The following AHRR variants were observed in gnomAD, a reference collection of about 807,000 sequenced individuals.
The protein encoded by AHRR is ahR repressor.
Under a neutral mutation model 44.0 loss-of-function variants are expected in AHRR, and 28 were observed. The observed-to-expected ratio is 0.64, with a 90% CI of 0.47 to 0.87. AHRR has a LOEUF of 0.87. Among genes scored for constraint, AHRR ranks in the 40% least tolerant of loss-of-function variants. The pLI, the probability that AHRR is intolerant of heterozygous loss-of-function variation, is 0.00. For missense variants in AHRR, 990 were observed against 953.9 expected (o/e 1.04, Z -0.50); for synonymous variants, 434 against 407.0 (o/e 1.07, Z -0.80).
intron 3 of AHRR, 53 bp from the exon 4 acceptor site, chr5:376,557 A>ATGTGAATGAATGAGAAGC (rs368685976): frequency 7.1e-7 from 1 of 1,403,540 alleles, no homozygotes; most frequent in Admixed American, 2.3e-5. Context: ...AATGAAGAAG[A>ATGTGAATGAATGAGAAGC]GTGGCCAGGC....
intron 4 of AHRR, among the ~76,000 whole-genome samples, chr5:391,486 GCGGGCGCAGGGTGAGGC>G: frequency 1.1e-5 from 1 of 94,926 alleles, no homozygotes; most frequent in African/African-American, 8.4e-5. Context: ...GCAGGGCGAG[GCGGGCGCAGGGTGAGGC>G]AGGGCCAGAG....
chr5:403,025 G>A (rs923123273), intron 4 of AHRR, among the ~76,000 whole-genome samples: 4 of 152,190 alleles, frequency 2.6e-5, no homozygotes, highest in African/African-American at 4.8e-5. Context: ...GTTACCAGGG[G>A]CCGGGGGTGT....
At chr5:350,354 C>T (rs939967005) in intron 2 of AHRR, among the ~76,000 whole-genome samples, 4 of 152,176 alleles carry the variant, frequency 2.6e-5, no homozygotes, top group South Asian at 2.1e-4. Flanking sequence ...CGTCTCTTTC[C>T]GCCTGAGCTG....
intron 8 of AHRR, among the ~76,000 whole-genome samples, chr5:428,922 T>A (rs927698319): frequency 6.6e-6 from 1 of 152,090 alleles, no homozygotes; most frequent in Admixed American, 6.6e-5. Context: ...GCAGTGGAGC[T>A]CTGGCGGTCA....
Position 432,802 on chromosome 5 carries a change from A to G in AHRR, c.971-4A>G. 6.2e-7 allele frequency: 1 copy of G among 1,613,608 alleles called. No homozygotes were observed. Among genetic ancestry groups the G allele is most frequent in the Non-Finnish European group, 8.5e-7 (1 of 1,179,942 alleles). On this transcript the variant is annotated splice_polypyrimidine_tract_variant and splice_region_variant and intron_variant, in intron 9 of 10. Coordinates refer to ENST00000684583, the MANE Select transcript of AHRR (RefSeq NM_001377236.1). ...CGGCTTCCCCCCCCTCTAAACCCCA[A>G]CAGGAAGGAGCAGCAGAGAGAGCGG...
chr5:328,795 C>G (rs1157822010), intron 1 of AHRR, among the ~76,000 whole-genome samples: 1 of 152,090 alleles, frequency 6.6e-6, no homozygotes, highest in Middle Eastern at 3.2e-3. Context: ...TTACTACTCC[C>G]CTGTTGGATG....
intron 3 of AHRR, among the ~76,000 whole-genome samples, chr5:365,265 T>C (rs1344078781): frequency 6.6e-6 from 1 of 152,126 alleles, no homozygotes; most frequent in African/African-American, 2.4e-5. Context: ...AAAGCAAGTC[T>C]CAGTAAATTT....
intron 3 of AHRR, among the ~76,000 whole-genome samples, chr5:376,365 A>G (rs923524349): frequency 6.6e-6 from 1 of 152,088 alleles, no homozygotes; most frequent in Non-Finnish European, 1.5e-5. Context: ...CTCTGCCTCC[A>G]TGTCCTGGTG....
chr5:345,616 G>A (rs895633453), intron 2 of AHRR, among the ~76,000 whole-genome samples: 1 of 151,796 alleles, frequency 6.6e-6, no homozygotes, highest in Non-Finnish European at 1.5e-5. Context: ...GTGGGTGTGT[G>A]TGTCGGATGA....
intron 4 of AHRR, chr5:403,697 C>CT: frequency 2.3e-6 from 1 of 431,922 alleles, no homozygotes; most frequent in Admixed American, 3.8e-5. Flanking sequence ...TTTTTTTTTA[C>CT]TTTCTCTCAG....
intron 5 of AHRR, among the ~76,000 whole-genome samples, chr5:417,340 A>G (rs968625012): frequency 1.1e-4 from 16 of 147,970 alleles, no homozygotes; most frequent in African/African-American, 4.1e-4. Flanking sequence ...CTGTATGTGC[A>G]GGGCCTGAGT....
In AHRR at chr5:342,868, G is replaced by A. The variant is rs1407766751; in HGVS notation, c.-10-1025G>A. Among the ~76,000 whole-genome samples, 1 of 152,254 alleles carries A rather than the reference G, an allele frequency of 6.6e-6. No homozygotes were observed. Among genetic ancestry groups the A allele is most frequent in the African/African-American group, 2.4e-5 (1 of 41,474 alleles). ...CACAGATACTGGGCTGCTCCTCAGGGGCCCCGCTGGGAGGCACATGCCTGT... is the reference window on the plus strand; with the variant it reads ...CACAGATACTGGGCTGCTCCTCAGGAGCCCCGCTGGGAGGCACATGCCTGT... On this transcript the variant is annotated intron_variant, in intron 1 of 10. Coordinates refer to ENST00000684583, the MANE Select transcript of AHRR (RefSeq NM_001377236.1). The surrounding 1 kb of genome is among the most constrained non-coding windows in gnomAD (Gnocchi z 4.3).
intron 1 of AHRR, among the ~76,000 whole-genome samples, chr5:327,291 G>A (rs1239200992): frequency 2.0e-5 from 3 of 152,162 alleles, no homozygotes; most frequent in African/African-American, 2.4e-5. Context: ...AGATTGCATA[G>A]TGATCAAGTC....
At position 379,702 on chromosome 5, in the gene AHRR, C is replaced by T. The variant is rs144676319; in HGVS notation, c.351+2986C>T. Among the ~76,000 whole-genome samples the T allele has an allele frequency of 9.2e-5, 14 of 152,296 alleles. No individual in the cohort carries two copies. In the East Asian group the frequency reaches 2.5e-3, roughly 27 times the overall value. ...CCAGCTCATTTGCTTGTTTACTATT[C>T]AGTTTAGAGATCTCTTTATATATTC... On this transcript the variant is annotated intron_variant, in intron 4 of 10. Transcript: ENST00000684583.
In AHRR at chr5:434,918, C is replaced by T. The variant is rs546127827; in HGVS notation, c.*84C>T. ...TGGGCTGCCCTGCTCCTGGTCAGGC[C>T]GGAGCCCGTCCTAAGACACACGCTT... On this transcript the variant is annotated 3_prime_UTR_variant, in exon 11 of 11. Transcript: ENST00000684583. 1.4e-4 allele frequency: 208 copies of T among 1,468,376 alleles called. No homozygotes were observed. Among genetic ancestry groups the T allele is most frequent in the Non-Finnish European group, 1.7e-4 (190 of 1,102,884 alleles). The allele number at this position is 1,468,376 out of a possible 1,614,324, so 91.0% of individuals were successfully genotyped here. A position where few individuals can be genotyped will look rare whatever the true frequency, so the allele number is the denominator to read the frequency against.
At chr5:351,852 GACAGA>G (rs1201119214) in intron 2 of AHRR, among the ~76,000 whole-genome samples, 1 of 152,220 alleles carries the variant, frequency 6.6e-6, no homozygotes, top group African/African-American at 2.4e-5. Context: ...CAGAGTTCCT[GACAGA>G]ACAGATTGTT....
At chr5:433,159 C>G (rs1380868197) in intron 10 of AHRR, among the ~76,000 whole-genome samples, 1 of 152,210 alleles carries the variant, frequency 6.6e-6, no homozygotes, top group Non-Finnish European at 1.5e-5. Flanking sequence ...GGACTGACCC[C>G]GGGAAGCAGT....
chr5:416,306 C>T (rs902695525), intron 5 of AHRR, among the ~76,000 whole-genome samples: 1 of 152,268 alleles, frequency 6.6e-6, no homozygotes, highest in Non-Finnish European at 1.5e-5. Context: ...AGCCTCATTT[C>T]CTGTGCCCAC....
At chr5:362,073 A>G (rs774034020) in intron 3 of AHRR, among the ~76,000 whole-genome samples, 2 of 152,170 alleles carry the variant, frequency 1.3e-5, no homozygotes, top group Non-Finnish European at 2.9e-5. Flanking sequence ...AGGGGCCTCT[A>G]AGGAAGTTAA....
Sources: gnomAD v4.1 joint callset for allele counts (sites outside exome capture counted in the v4.1 genomes callset) on GRCh38, gnomAD v4.1.1 for gene constraint, Gnocchi (gnomAD v3.1) non-coding constraint, MANE v1.5 for transcripts, NCBI Gene and HGNC (gene_info 2026-07-23, HGNC 2026-07-21) for gene names.